The following SH3TC2 variants were observed in gnomAD, a reference collection of about 807,000 sequenced individuals.
The protein encoded by SH3TC2 is SH3 domain and tetratricopeptide repeat-containing protein 2.
Under a neutral mutation model 124.5 loss-of-function variants are expected in SH3TC2, and 87 were observed. The observed-to-expected ratio is 0.70, with a 90% CI of 0.59 to 0.84. The LOEUF is 0.84. Among genes scored for constraint, SH3TC2 ranks in the 40% least tolerant of loss-of-function variants. The pLI, the probability that SH3TC2 is intolerant of heterozygous loss-of-function variation, is 0.00. For missense variants in SH3TC2, 1,536 were observed against 1,566.4 expected (o/e 0.98, Z 0.33); for synonymous variants, 634 against 628.5 (o/e 1.01, Z -0.13).
At chr5:149,024,696 A>C (rs1754034851) in intron 12 of SH3TC2, among the ~76,000 whole-genome samples, 1 of 152,156 alleles carries the variant, frequency 6.6e-6, no homozygotes, top group South Asian at 2.1e-4. Context: ...CTTTCCTCCC[A>C]GCTCTGTGGC....
At position 149,002,248 on chromosome 5, in the gene SH3TC2, T is replaced by C. The variant is rs1434227549; in HGVS notation, c.*2463A>G. The C allele has an allele frequency of 6.6e-6, 1 of 152,666 alleles. No individual in the cohort carries two copies. The allele number at this position is 152,666 out of a possible 1,614,324, so 9.5% of individuals were successfully genotyped here. The stretch of plus-strand genomic sequence containing the variant: ...GTGTGAGCCTTCTTCAAATACACGA[T>C]ATGTAACTGTTCTGGAATGTGTGTG... On this transcript the variant is annotated 3_prime_UTR_variant, in exon 17 of 17. Transcript: ENST00000515425.
At chr5:149,035,533 G>T (rs1250625141) in intron 8 of SH3TC2, 1 of 152,646 alleles carries the variant, frequency 6.6e-6, no homozygotes, top group Admixed American at 6.5e-5. Flanking sequence ...GTGGAGTTGG[G>T]TCATTCCTCT....
At position 148,985,025 on chromosome 5, in the gene SH3TC2, C is replaced by T. The variant is rs1440995623; in HGVS notation, c.*19686G>A. Among the ~76,000 whole-genome samples, 1 of 151,958 alleles carries T rather than the reference C, an allele frequency of 6.6e-6. No homozygotes were observed. The highest frequency in any genetic ancestry group is 1.5e-5 in the Non-Finnish European group (1 of 67,986). The stretch of plus-strand genomic sequence containing the variant: ...ATTTTTAATCTGGTTTTCATGGTTC[C>T]ACCAACCTGGGCAAGCTAATCTGGT... On this transcript the variant is annotated 3_prime_UTR_variant, in exon 17 of 17. Coordinates refer to ENST00000515425, the MANE Select transcript of SH3TC2 (RefSeq NM_024577.4).
At chr5:149,008,710 A>T in intron 15 of SH3TC2, 141 bp downstream of exon 15, 1 of 1,205,736 alleles carries the variant, frequency 8.3e-7, no homozygotes, top group South Asian at 1.2e-5. Context: ...CAACTTGCTT[A>T]ACTAAGGTCT....
intron 9 of SH3TC2, among the ~76,000 whole-genome samples, chr5:149,029,523 A>T (rs956651467): frequency 6.6e-6 from 1 of 152,098 alleles, no homozygotes; most frequent in Non-Finnish European, 1.5e-5. Flanking sequence ...GACTAAATGT[A>T]ATCACACAGG....
intron 3 of SH3TC2, chr5:149,047,176 A>G (rs1400046815): frequency 2.0e-5 from 3 of 152,764 alleles, no homozygotes; most frequent in East Asian, 3.8e-4. Flanking sequence ...GGTTTTAACA[A>G]ATGAAGATAT....
chr5:149,012,445 G>A, intron 13 of SH3TC2, 139 bp downstream of exon 13: 3 of 1,127,214 alleles, frequency 2.7e-6, no homozygotes, highest in Non-Finnish European at 3.9e-6. Flanking sequence ...TCAGGGAGCA[G>A]CCCAGTGTTG....
In SH3TC2 at chr5:149,042,690, T is replaced by G. The variant is rs1263573363; in HGVS notation, c.529+4A>C. Reference sequence around the variant, plus strand: ...TCCCATCTCTACCCCTATGCCACACTCACCTTCCTGTATCAGGAGTCCCAG... The same window carrying G: ...TCCCATCTCTACCCCTATGCCACACGCACCTTCCTGTATCAGGAGTCCCAG... On this transcript the variant is annotated splice_donor_region_variant and intron_variant, in intron 5 of 16. Transcript: ENST00000515425. 6.2e-7 allele frequency: 1 copy of G among 1,613,988 alleles called. No homozygotes were observed. The highest frequency in any genetic ancestry group is 2.2e-5 in the East Asian group (1 of 44,880).
chr5:149,008,717 G>A (rs928265123), intron 15 of SH3TC2, 134 bp downstream of exon 15: 2 of 1,257,504 alleles, frequency 1.6e-6, no homozygotes, highest in Non-Finnish European at 2.3e-6. Context: ...CTTAACTAAG[G>A]TCTCTCTGAC....
chr5:149,028,005 G>A lies in SH3TC2; in HGVS notation c.1727C>T (p.Ala576Val). 1 of 1,614,188 alleles carries A rather than the reference G, an allele frequency of 6.2e-7. No individual in the cohort carries two copies. The highest frequency in any genetic ancestry group is 8.5e-7 in the Non-Finnish European group (1 of 1,180,056). Residue 576 changes from alanine to valine, a missense_variant, in exon 11 of 17, where the codon GCT becomes GTT. Ala to Val is a moderately conservative substitution (Grantham distance 64). Around this residue, in one of 3 missense-constraint regions of SH3TC2, gnomAD observed 1,102 missense variants for 1,098.6 expected, o/e 1.00. Coordinates refer to ENST00000515425, the MANE Select transcript of SH3TC2 (RefSeq NM_024577.4). ...CAGCCTCTGTTTCAGGTAGATGGCAGCCAAATTGATGTACAGAGTGGCCAC... is the reference window on the plus strand; with the variant it reads ...CAGCCTCTGTTTCAGGTAGATGGCAACCAAATTGATGTACAGAGTGGCCAC... ...SLVATLYINL[A>V]AIYLKQRLRH...
In SH3TC2 at chr5:149,027,347, G is replaced by A. The variant is rs145345364; in HGVS notation, c.2385C>T (p.Ser795=). ...VLGQLLGEQE[S]FESSLCLAWA... ...ATGCCAGGCAGAGAGAAGACTCAAAGGATTCCTGCTCACCCAGCAGCTGCC... is the reference window on the plus strand; with the variant it reads ...ATGCCAGGCAGAGAGAAGACTCAAAAGATTCCTGCTCACCCAGCAGCTGCC... Residue 795 remains serine, a synonymous_variant, in exon 11 of 17, where the codon TCC becomes TCT. Coordinates refer to ENST00000515425, the MANE Select transcript of SH3TC2 (RefSeq NM_024577.4). 101 of 1,614,022 alleles carry A rather than the reference G, an allele frequency of 6.3e-5. No individual in the cohort carries two copies. The African/African-American group carries it at 1.2e-3, about 19-fold the overall frequency.
rs1408319932 is a variant in SH3TC2, at chr5:149,042,708, A to C, written c.515T>G (p.Leu172Arg). Residue 172 changes from leucine to arginine, a missense_variant, in exon 5 of 17, where the codon CTC (leucine) becomes CGC (arginine). By Grantham distance (102) the Leu-to-Arg change is moderately radical. Around this residue, in one of 3 missense-constraint regions of SH3TC2, gnomAD observed 1,102 missense variants for 1,098.6 expected, o/e 1.00. Transcript: ENST00000515425. The part of the protein sequence containing the change: ...DKHLETIYLG[L>R]LIQEGHFFCR... Reference sequence around the variant, plus strand: ...GCCACACTCACCTTCCTGTATCAGGAGTCCCAGGTATATTGTTTCCAGGTG... The same window carrying C: ...GCCACACTCACCTTCCTGTATCAGGCGTCCCAGGTATATTGTTTCCAGGTG... The C allele has an allele frequency of 1.1e-5, 17 of 1,614,006 alleles. No individual in the cohort carries two copies. Among genetic ancestry groups the C allele is most frequent in the Non-Finnish European group, 1.4e-5 (17 of 1,180,006 alleles).
At chr5:149,042,918 T>C (rs1036328908) in intron 4 of SH3TC2, 81 bp from the exon 5 acceptor site, 1 of 1,559,478 alleles carries the variant, frequency 6.4e-7, no homozygotes, top group South Asian at 1.1e-5. Context: ...GAAAATTCCC[T>C]CCTGAGCTTG....
rs889245651 is a variant in SH3TC2, at chr5:148,989,869, A to G, written c.*14842T>C. ...AGGACATTTGGGAAATGTCCCTATGAATCAATCCACCTGCACTGGGGAAAA... is the reference window on the plus strand; with the variant it reads ...AGGACATTTGGGAAATGTCCCTATGGATCAATCCACCTGCACTGGGGAAAA... On this transcript the variant is annotated 3_prime_UTR_variant, in exon 17 of 17. Coordinates refer to ENST00000515425, the MANE Select transcript of SH3TC2 (RefSeq NM_024577.4). 1.3e-5 allele frequency among the ~76,000 whole-genome samples: 2 copies of G among 152,146 alleles called. No homozygotes were observed. Among genetic ancestry groups the G allele is most frequent in the Non-Finnish European group, 2.9e-5 (2 of 68,026 alleles).
intron 7 of SH3TC2, 113 bp from the exon 8 acceptor site, chr5:149,038,603 C>T: frequency 1.7e-6 from 2 of 1,169,570 alleles, no homozygotes; most frequent in Non-Finnish European, 2.5e-6. Context: ...TGTCAAGGAC[C>T]AGTAACATTT....
chr5:148,999,832 A>G lies in SH3TC2; in HGVS notation c.*4879T>C, dbSNP rs1267421795. Reference sequence around the variant, plus strand: ...TTTCAACTGCTTATAATCCTTCTATACCTTCCCCTCAACCTCCAGGTAGAA... The same window carrying G: ...TTTCAACTGCTTATAATCCTTCTATGCCTTCCCCTCAACCTCCAGGTAGAA... On this transcript the variant is annotated 3_prime_UTR_variant, in exon 17 of 17. Coordinates refer to ENST00000515425, the MANE Select transcript of SH3TC2 (RefSeq NM_024577.4). Among the ~76,000 whole-genome samples the G allele has an allele frequency of 3.3e-5, 5 of 152,058 alleles. No homozygotes were observed. In the South Asian group the frequency reaches 6.3e-4, roughly 19 times the overall value.
intron 2 of SH3TC2, among the ~76,000 whole-genome samples, chr5:149,049,310 C>G (rs191240826): frequency 1.3e-5 from 2 of 152,314 alleles, no homozygotes; most frequent in Non-Finnish European, 2.9e-5. Flanking sequence ...GGAGGAGGCA[C>G]AGTGCAAAGA....
At position 148,983,367 on chromosome 5, in the gene SH3TC2, C is replaced by G. The variant is rs761056762; in HGVS notation, c.*21344G>C. On this transcript the variant is annotated 3_prime_UTR_variant, in exon 17 of 17. Transcript: ENST00000515425. ...GCCTAAGATATGGTAATGGAGGGAA[C>G]AGACCAGGTTCTGAGTGGATGAAAA... Among the ~76,000 whole-genome samples, 10 of 152,112 alleles carry G rather than the reference C, an allele frequency of 6.6e-5. No homozygotes were observed. Among genetic ancestry groups the G allele is most frequent in the African/African-American group, 1.7e-4 (7 of 41,404 alleles).
At chr5:149,041,750 G>A (rs1487502849) in intron 5 of SH3TC2, 133 bp from the exon 6 acceptor site, 1 of 970,866 alleles carries the variant, frequency 1.0e-6, no homozygotes, top group East Asian at 2.6e-5. Context: ...GTTTCACAGG[G>A]GAGACACTAA....
Sources: gnomAD v4.1 joint callset for allele counts (sites outside exome capture counted in the v4.1 genomes callset) on GRCh38, gnomAD v4.1.1 for gene constraint, gnomAD v4.1.1 regional missense constraint, MANE v1.5 for transcripts, NCBI Gene and HGNC (gene_info 2026-07-23, HGNC 2026-07-21) for gene names.